PDPN: variants seen among roughly 807,000 people sequenced by gnomAD.
PDPN encodes podoplanin, also known as PA2.26 antigen.
In PDPN, 12 loss-of-function variants were observed where a neutral mutation model predicts 23.2. That is an observed-to-expected ratio of 0.52 (90% CI 0.33 to 0.84). The LOEUF (loss-of-function observed/expected upper bound fraction) is 0.84. PDPN is among the 40% of genes least tolerant of loss of function. The pLI is 0.02. For missense variants in PDPN, 199 were observed against 212.2 expected (o/e 0.94, Z 0.39); for synonymous variants, 77 against 76.7 (o/e 1.00, Z -0.02).
intron 3 of PDPN, among the ~76,000 whole-genome samples, chr1:13,612,866 G>C (rs1172688457): frequency 2.0e-5 from 3 of 152,110 alleles, no homozygotes; most frequent in Non-Finnish European, 4.4e-5. Context: ...TTTTAGGGCA[G>C]GGCCTGATTG....
intron 1 of PDPN, among the ~76,000 whole-genome samples, 186 bp from the exon 2 acceptor site, chr1:13,606,987 A>G (rs560344978): frequency 6.6e-6 from 1 of 151,646 alleles, no homozygotes; most frequent in Non-Finnish European, 1.5e-5. Flanking sequence ...CAGGGTGTTG[A>G]TGTGTCAGAA....
At chr1:13,614,784 CT>C (rs1158078788) in intron 5 of PDPN, 2 of 505,556 alleles carry the variant, frequency 4.0e-6, no homozygotes, top group African/African-American at 3.9e-5. Flanking sequence ...AAGACTGTGT[CT>C]CTTAAAAATA....
intron 1 of PDPN, among the ~76,000 whole-genome samples, chr1:13,586,746 C>T (rs1348709630): frequency 7.0e-6 from 1 of 142,382 alleles, no homozygotes; most frequent in Non-Finnish European, 1.5e-5. Flanking sequence ...GATCTTTTTA[C>T]TACACTACTC....
chr1:13,608,635 C>T (rs1271067826), intron 2 of PDPN, among the ~76,000 whole-genome samples: 4 of 151,998 alleles, frequency 2.6e-5, no homozygotes, highest in South Asian at 2.1e-4. Context: ...AGCTCAGAGT[C>T]GCAGAGAAAA....
intron 1 of PDPN, among the ~76,000 whole-genome samples, chr1:13,588,321 G>A (rs1196902484): frequency 6.6e-6 from 1 of 152,100 alleles, no homozygotes; most frequent in East Asian, 1.9e-4. Context: ...TAAATGGGAA[G>A]CAGGAAAGGG....
intron 1 of PDPN, among the ~76,000 whole-genome samples, chr1:13,587,468 C>A (rs868772960): frequency 3.2e-4 from 49 of 152,046 alleles, no homozygotes; most frequent in African/African-American, 9.9e-4. Context: ...TGTGGAAATA[C>A]GACGGGGGAG....
rs1489575246 is a variant in PDPN at position 13,583,963 on chromosome 1, G to A, written c.-71G>A. ...TCCAGGCTGGGCCTGTGGCCGCGGTGCTTTTTAATTTTCCCCCAGCTCAGA... is the reference window on the plus strand; with the variant it reads ...TCCAGGCTGGGCCTGTGGCCGCGGTACTTTTTAATTTTCCCCCAGCTCAGA... On this transcript the variant is annotated 5_prime_UTR_variant, in exon 1 of 6. Coordinates refer to ENST00000621990, the MANE Select transcript of PDPN (RefSeq NM_006474.5). 4 of 1,613,734 alleles carry A rather than the reference G, an allele frequency of 2.5e-6. No homozygotes were observed. The highest frequency in any genetic ancestry group is 3.3e-4 in the Middle Eastern group (2 of 6,062).
Position 13,616,024 on chromosome 1 carries a change from C to T in PDPN, c.*113C>T. On this transcript the variant is annotated 3_prime_UTR_variant, in exon 6 of 6. Coordinates refer to ENST00000621990, the MANE Select transcript of PDPN (RefSeq NM_006474.5). ...GATGACCCGTGGAACACTTGCCTGG[C>T]CCACTCAGAATCCACGGTGACCTCT... 4 of 1,013,216 alleles carry T rather than the reference C, an allele frequency of 3.9e-6. No homozygotes were observed. Among genetic ancestry groups the T allele is most frequent in the Non-Finnish European group, 6.3e-6 (4 of 639,442 alleles). The allele number at this position is 1,013,216 out of a possible 1,614,324, so 62.8% of individuals were successfully genotyped here. A position where few individuals can be genotyped will look rare whatever the true frequency, so the allele number is the denominator to read the frequency against.
chr1:13,596,092 G>A (rs1640489807), intron 1 of PDPN: 2 of 329,010 alleles, frequency 6.1e-6, no homozygotes, highest in Non-Finnish European at 1.2e-5. Context: ...CCAGCTACTT[G>A]AGAGGCTGAG....
At chr1:13,599,011 C>CTTTTTTTTTTTTTTTTTTTTTTTT (rs35244657) in intron 1 of PDPN, among the ~76,000 whole-genome samples, 13 of 127,072 alleles carry the variant, frequency 1.0e-4, no homozygotes, top group Non-Finnish European at 1.3e-4. Flanking sequence ...GCCCCCCCTC[C>CTTTTTTTTTTTTTTTTTTTTTTTT]TTTTTTTTTT....
intron 1 of PDPN, among the ~76,000 whole-genome samples, chr1:13,586,463 A>C (rs2100588150): frequency 6.6e-6 from 1 of 152,250 alleles, no homozygotes; most frequent in East Asian, 1.9e-4. Context: ...GACGTGGCCA[A>C]AGGGACTAAA....
Position 13,615,937 on chromosome 1 carries a change from C to T in PDPN, c.*26C>T, listed in dbSNP as rs894593169. On this transcript the variant is annotated 3_prime_UTR_variant, in exon 6 of 6. Transcript: ENST00000621990. The stretch of plus-strand genomic sequence containing the variant: ...AGAGCTGAAGGGTTACGCCCTGCTG[C>T]CAACGTGCTTAAAAAAAGACCGTTT... The T allele has an allele frequency of 6.2e-7, 1 of 1,610,246 alleles. No individual in the cohort carries two copies. The highest frequency in any genetic ancestry group is 1.3e-5 in the African/African-American group (1 of 74,936).
chr1:13,610,353 A>G (rs377727277), intron 2 of PDPN, 34 bp from the exon 3 acceptor site: 5 of 1,596,252 alleles, frequency 3.1e-6, no homozygotes, highest in Non-Finnish European at 4.3e-6. Context: ...AGTAGGCTTT[A>G]TTTCCTGTTT....
chr1:13,585,335 G>C (rs1640146547), intron 1 of PDPN: 2 of 382,004 alleles, frequency 5.2e-6, no homozygotes. Flanking sequence ...TCTATGCTGT[G>C]CTGTCTGCTT....
chr1:13,595,758 G>A lies in PDPN; in HGVS notation c.68-11415G>A, dbSNP rs1308940167. On this transcript the variant is annotated intron_variant, in intron 1 of 5. Coordinates refer to ENST00000621990, the MANE Select transcript of PDPN (RefSeq NM_006474.5). Reference sequence around the variant, plus strand: ...TGGCGCTGCTCACACGAAATTGAACGGCAGGGCAGCCAAGTTCCCCTTTGC... The same window carrying A: ...TGGCGCTGCTCACACGAAATTGAACAGCAGGGCAGCCAAGTTCCCCTTTGC... 3.2e-5 allele frequency: 22 copies of A among 695,712 alleles called. 1 individual carries two copies. The highest frequency in any genetic ancestry group is 2.6e-4 in the South Asian group (18 of 69,376). 43.1% of individuals were successfully genotyped at this position (695,712 alleles called of 1,614,324 possible).
intron 1 of PDPN, among the ~76,000 whole-genome samples, chr1:13,591,161 C>T (rs545067786): frequency 1.3e-5 from 2 of 152,082 alleles, no homozygotes; most frequent in East Asian, 1.9e-4. Context: ...AGGATGGTCT[C>T]GAACTCCTGA....
intron 1 of PDPN, among the ~76,000 whole-genome samples, chr1:13,585,813 C>T (rs901618367): frequency 1.3e-5 from 2 of 152,054 alleles, no homozygotes; most frequent in African/African-American, 4.8e-5. Flanking sequence ...ATGAGCGAGG[C>T]GACTTGAATA....
At chr1:13,596,898 T>G (rs1640511643) in intron 1 of PDPN, among the ~76,000 whole-genome samples, 1 of 152,108 alleles carries the variant, frequency 6.6e-6, no homozygotes, top group Non-Finnish European at 1.5e-5. Flanking sequence ...TGTAGAGAGA[T>G]ATGAGCACCT....
chr1:13,610,594 G>T (rs2487643), intron 3 of PDPN, 78 bp downstream of exon 3: 983,729 of 1,435,602 alleles, frequency 0.69, 338,877 homozygotes, highest in Admixed American at 0.79. Flanking sequence ...TCAACAAATA[G>T]AATAATCAAT....
Sources: gnomAD v4.1 joint callset for allele counts (sites outside exome capture counted in the v4.1 genomes callset) on GRCh38, gnomAD v4.1.1 for gene constraint, MANE v1.5 for transcripts, NCBI Gene and HGNC (gene_info 2026-07-23, HGNC 2026-07-21) for gene names.